The following EPHX1 variants were observed in gnomAD, a reference collection of about 807,000 sequenced individuals.
EPHX1 encodes epoxide hydrolase 1, also known as epoxide hydratase.
Under a neutral mutation model 43.2 loss-of-function variants are expected in EPHX1, and 40 were observed. The observed-to-expected ratio is 0.93, with a 90% CI of 0.72 to 1.21. The LOEUF (loss-of-function observed/expected upper bound fraction) is 1.21. Among genes scored for constraint, EPHX1 ranks in the 50% most tolerant of loss-of-function variants. The pLI is 0.00. For missense variants in EPHX1, 550 were observed against 570.4 expected (o/e 0.96, Z 0.36); for synonymous variants, 221 against 226.7 (o/e 0.98, Z 0.22).
At chr1:225,825,872 C>T (rs1006885650) in intron 1 of EPHX1, among the ~76,000 whole-genome samples, 2 of 147,172 alleles carry the variant, frequency 1.4e-5, no homozygotes, top group African/African-American at 2.7e-5. Flanking sequence ...CCCACACGCT[C>T]CCATGTGTCT....
Position 225,812,324 on chromosome 1 carries a change from C to T in EPHX1, c.-6+2155C>T, listed in dbSNP as rs550564925. Among the ~76,000 whole-genome samples, 12 of 152,330 alleles carry T rather than the reference C, an allele frequency of 7.9e-5. 1 individual carries two copies. The South Asian group carries it at 2.3e-3, about 29-fold the overall frequency. On this transcript the variant is annotated intron_variant, in intron 1 of 8. Coordinates refer to ENST00000272167, the MANE Select transcript of EPHX1 (RefSeq NM_001136018.4). ...AACCTCAGCACCATCTGTGACAAGC[C>T]ACATGCTCTCTGCGTGATGCCTCCT... is the stretch of plus-strand genomic sequence containing the variant.
Position 225,839,853 on chromosome 1 carries a change from C to A in EPHX1, c.747C>A (p.Asn249Lys). 6.2e-7 allele frequency: 1 copy of A among 1,614,130 alleles called. No homozygotes were observed. ...GCCACGTGAAAGGCCTGCACTTGAACATGGCTTTGGTTTTAAGCAACTTCT... is the reference window on the plus strand; with the variant it reads ...GCCACGTGAAAGGCCTGCACTTGAAAATGGCTTTGGTTTTAAGCAACTTCT... ...VPSHVKGLHLNMALVLSNFST... is the reference protein window; with the variant it reads ...VPSHVKGLHLKMALVLSNFST... Residue 249 changes from asparagine (N) to lysine (K), a missense_variant, in exon 6 of 9, where the codon AAC (asparagine) becomes AAA (lysine). Transcript: ENST00000272167.
chr1:225,818,655 C>G (rs1666834187), intron 1 of EPHX1, among the ~76,000 whole-genome samples: 1 of 152,114 alleles, frequency 6.6e-6, no homozygotes, highest in Non-Finnish European at 1.5e-5. Context: ...AACTGTTTCT[C>G]CATAATATTG....
chr1:225,830,061 A>G (rs1667493737), intron 2 of EPHX1, among the ~76,000 whole-genome samples: 1 of 152,180 alleles, frequency 6.6e-6, no homozygotes, highest in Non-Finnish European at 1.5e-5. Context: ...CTGGGCAACA[A>G]GAGTGAAATG....
intron 5 of EPHX1, 26 bp downstream of exon 5, chr1:225,839,372 T>TGG: frequency 8.5e-7 from 1 of 1,172,464 alleles, no homozygotes; most frequent in Non-Finnish European, 1.2e-6. Context: ...GGGTGGTGTG[T>TGG]GTGTGTGTGT....
intron 1 of EPHX1, among the ~76,000 whole-genome samples, chr1:225,816,917 G>C (rs913506454): frequency 6.6e-6 from 1 of 152,168 alleles, no homozygotes; most frequent in Non-Finnish European, 1.5e-5. Flanking sequence ...TGGAGGTGGA[G>C]GGAATTCCCT....
rs1668096414 is a variant in EPHX1 at position 225,838,609 on chromosome 1, G to A, written c.365-45G>A. 5 of 1,565,310 alleles carry A rather than the reference G, an allele frequency of 3.2e-6. No individual in the cohort carries two copies. In the African/African-American group the frequency reaches 5.4e-5, roughly 17 times the overall value. On this transcript the variant is annotated intron_variant, in intron 3 of 8. Transcript: ENST00000272167. ...GGGGGTGCCAGAGCCTGACCGTGCAGGGTCTTCTCTCTCCCTCCACCCTGA... is the reference window on the plus strand; with the variant it reads ...GGGGGTGCCAGAGCCTGACCGTGCAAGGTCTTCTCTCTCCCTCCACCCTGA...
chr1:225,831,781 C>T lies in EPHX1; in HGVS notation c.186C>T (p.Asp62=). ...TGGGGTCCTGAATTTTGCTCCAGGA[C>T]TTACACCAGAGGATCGATAAGTTCC... ...KVETSDEEIH[D]LHQRIDKFRF... Residue 62 remains aspartate, a splice_region_variant and synonymous_variant, in exon 3 of 9, where the codon GAC becomes GAT. Transcript: ENST00000272167. The T allele has an allele frequency of 6.2e-7, 1 of 1,613,934 alleles. No individual in the cohort carries two copies. The highest frequency in any genetic ancestry group is 1.3e-5 in the African/African-American group (1 of 75,026).
chr1:225,836,186 G>T (rs945494412), intron 3 of EPHX1, among the ~76,000 whole-genome samples: 2 of 152,224 alleles, frequency 1.3e-5, no homozygotes, highest in Admixed American at 1.3e-4. Flanking sequence ...GCTCAGTGGT[G>T]TGTGAGTCCT....
intron 2 of EPHX1, among the ~76,000 whole-genome samples, chr1:225,829,885 C>A (rs1272168458): frequency 1.3e-5 from 2 of 152,018 alleles, no homozygotes; most frequent in Non-Finnish European, 2.9e-5. Flanking sequence ...ACCAGCCTGG[C>A]CAACATCGTG....
In EPHX1 at chr1:225,838,828, TC is replaced by T; in HGVS notation, c.540del (p.Ile181SerfsTer31). On this transcript the variant is annotated frameshift_variant, in exon 4 of 9. Transcript: ENST00000272167. LOFTEE classifies it high-confidence loss of function. ...HGLSDEHVFE[V>X]ICPSIPGYGF... The stretch of plus-strand genomic sequence containing the variant: ...CTGAGCGATGAGCACGTTTTTGAAG[TC>T]ATCTGCCCTTCCATCCCTGGCTATG... 6.2e-7 allele frequency: 1 copy of T among 1,614,170 alleles called. No homozygotes were observed. The highest frequency in any genetic ancestry group is 8.5e-7 in the Non-Finnish European group (1 of 1,180,022).
At chr1:225,844,838 C>T (rs1668799067) in intron 8 of EPHX1, among the ~76,000 whole-genome samples, 1 of 152,172 alleles carries the variant, frequency 6.6e-6, no homozygotes, top group African/African-American at 2.4e-5. Context: ...GCCCTCAGTA[C>T]CGCTCCCCAG....
At chr1:225,830,539 A>G (rs1667520730) in intron 2 of EPHX1, among the ~76,000 whole-genome samples, 1 of 152,174 alleles carries the variant, frequency 6.6e-6, no homozygotes, top group Admixed American at 6.5e-5. Context: ...ATCTTGGCTC[A>G]CTGCAACCTC....
intron 1 of EPHX1, among the ~76,000 whole-genome samples, chr1:225,820,868 G>C (rs150195055): frequency 6.6e-6 from 1 of 152,100 alleles, no homozygotes; most frequent in East Asian, 1.9e-4. Context: ...CCGTTTGTCT[G>C]CCCTGCTAAA....
Position 225,813,958 on chromosome 1 carries a change from G to A in EPHX1, c.-6+3789G>A, listed in dbSNP as rs894418950. Among the ~76,000 whole-genome samples, 11 of 152,358 alleles carry A rather than the reference G, an allele frequency of 7.2e-5. No individual in the cohort carries two copies. The South Asian group carries it at 2.3e-3, about 32-fold the overall frequency. On this transcript the variant is annotated intron_variant, in intron 1 of 8. Transcript: ENST00000272167. ...GCTACTCCACAAACTAGGATCACAG[G>A]CCTTGTTCTTAGGTCGGGAGCAGGA...
rs778268289 is a variant in EPHX1 at position 225,831,729 on chromosome 1, G to C, written c.184-50G>C. On this transcript the variant is annotated intron_variant, in intron 2 of 8. Transcript: ENST00000272167. The stretch of plus-strand genomic sequence containing the variant: ...TTCTGGAAACAGACTTTGCTCTTGT[G>C]CTCTGTCCTTCCCATCCCTCTCAAC... The C allele has an allele frequency of 1.5e-5, 24 of 1,588,450 alleles. No homozygotes were observed. The South Asian group carries it at 2.7e-4, about 18-fold the overall frequency.
chr1:225,817,022 T>A lies in EPHX1; in HGVS notation c.-6+6853T>A, dbSNP rs1183068427. 6.6e-6 allele frequency among the ~76,000 whole-genome samples: 1 copy of A among 151,678 alleles called. No individual in the cohort carries two copies. The highest frequency in any genetic ancestry group is 6.6e-5 in the Admixed American group (1 of 15,208). ...TACTGCTCTTTTACTCTCCCCCAGC[T>A]TTTTTTTTCCTGCTTGTAAACTGCA... On this transcript the variant is annotated intron_variant, in intron 1 of 8. Coordinates refer to ENST00000272167, the MANE Select transcript of EPHX1 (RefSeq NM_001136018.4). This position sits in a 1 kb window ranked among gnomAD's most constrained non-coding sequence, Gnocchi z 5.7.
At position 225,840,043 on chromosome 1, in the gene EPHX1, T is replaced by C; in HGVS notation, c.931+6T>C. 4 of 1,613,656 alleles carry C rather than the reference T, an allele frequency of 2.5e-6. No homozygotes were observed. Among genetic ancestry groups the C allele is most frequent in the Non-Finnish European group, 3.4e-6 (4 of 1,179,898 alleles). On this transcript the variant is annotated splice_donor_region_variant and intron_variant, in intron 6 of 8. Coordinates refer to ENST00000272167, the MANE Select transcript of EPHX1 (RefSeq NM_001136018.4). ...CACCAAGCCTGACACCGTAGGTGAG[T>C]GTGCTCAGGGGTCCTCGCCCACTGC...
rs780293578 is a variant in EPHX1 at position 225,842,346 on chromosome 1, TGCTCCCC to T, written c.932-10_932-4del. The T allele has an allele frequency of 3.9e-6, 6 of 1,557,114 alleles. No individual in the cohort carries two copies. The highest frequency in any genetic ancestry group is 1.7e-5 in the Admixed American group (1 of 59,958). ...GGTCCCCAGGCCTGAGTCTCTCCCT[TGCTCCCC>T]GCTCCCCGCCAGGCTCTGCTCTGAA... On this transcript the variant is annotated splice_polypyrimidine_tract_variant and intron_variant, in intron 6 of 8. Transcript: ENST00000272167.
Sources: gnomAD v4.1 joint callset for allele counts (sites outside exome capture counted in the v4.1 genomes callset) on GRCh38, gnomAD v4.1.1 for gene constraint, Gnocchi (gnomAD v3.1) non-coding constraint, MANE v1.5 for transcripts, NCBI Gene and HGNC (gene_info 2026-07-23, HGNC 2026-07-21) for gene names.